Variants in WNK1 observed in about 807,000 individuals in gnomAD.
WNK1 encodes the protein serine/threonine-protein kinase WNK1.
Under a neutral mutation model 222.8 loss-of-function variants are expected in WNK1, and 38 were observed. The ratio of observed to expected loss-of-function variants is 0.17; its 90% CI spans 0.13 to 0.22. The LOEUF is 0.22. WNK1 is among the 10% of genes least tolerant of loss of function. WNK1 has a pLI of 1.00. For synonymous variants in WNK1, 1,090 were observed against 1,092.9 expected, an observed-to-expected ratio of 1.00 and a Z score of 0.05; for missense variants, 2,348 against 2,918.4, an observed-to-expected ratio of 0.80 and a Z score of 4.50.
rs1243714076 is a variant in WNK1 at position 885,459 on chromosome 12, C to T, written c.4655C>T (p.Ser1552Phe). The change falls in exon 19 of 28, where the codon TCT becomes TTT. Residue 1552 changes from serine (S) to phenylalanine (F), a missense_variant. Physicochemically the swap from Ser to Phe is radical, Grantham distance 155 (BLOSUM62 -2). This residue lies in a region of WNK1 where 1,144 missense variants were observed against 1,273.6 expected (regional missense o/e 0.90). Transcript: ENST00000315939. ...FSLSAPSSSSSPGAGVSSYIS... is the reference protein window; with the variant it reads ...FSLSAPSSSSFPGAGVSSYIS... ...CTCTCTGCACCATCTTCCTCTTCCT[C>T]TCCTGGAGCAGGAGTGTCTAGTTAT... 6.2e-7 allele frequency: 1 copy of T among 1,613,958 alleles called. No individual in the cohort carries two copies. The highest frequency in any genetic ancestry group is 1.1e-5 in the South Asian group (1 of 91,086).
intron 1 of WNK1, among the ~76,000 whole-genome samples, chr12:759,051 A>G (rs1940631050): frequency 6.8e-6 from 1 of 146,922 alleles, no homozygotes; most frequent in African/African-American, 2.4e-5. Flanking sequence ...AATAAAATTC[A>G]TCTTAGTTCA....
At chr12:814,264 G>A (rs993360063) in intron 2 of WNK1, among the ~76,000 whole-genome samples, 10 of 151,712 alleles carry the variant, frequency 6.6e-5, no homozygotes, top group Non-Finnish European at 1.5e-4. Context: ...AGGAGGCGGA[G>A]GTTGCAGTGA....
chr12:864,473 A>C (rs1951472051), intron 8 of WNK1, among the ~76,000 whole-genome samples: 2 of 152,200 alleles, frequency 1.3e-5, no homozygotes, highest in South Asian at 4.1e-4. Flanking sequence ...GTAAAAGTAC[A>C]AAATATTTCC....
chr12:830,261 G>A (rs934580740), intron 4 of WNK1, 101 bp downstream of exon 4: 2 of 1,355,240 alleles, frequency 1.5e-6, no homozygotes, highest in South Asian at 2.4e-5. Flanking sequence ...ATAGTGGAAG[G>A]CATACTGAGT....
At chr12:754,436 G>C in intron 1 of WNK1, 112 bp downstream of exon 1, 1 of 1,404,176 alleles carries the variant, frequency 7.1e-7, no homozygotes, top group Non-Finnish European at 1.0e-6. Flanking sequence ...ACTCCGAGTG[G>C]GACGGGGAGG....
In WNK1 at chr12:777,334, A is replaced by G. The variant is rs1434563276; in HGVS notation, c.759+23010A>G. 4.6e-5 allele frequency among the ~76,000 whole-genome samples: 7 copies of G among 151,342 alleles called. No individual in the cohort carries two copies. In the East Asian group the frequency reaches 7.8e-4, roughly 17 times the overall value. On this transcript the variant is annotated intron_variant, in intron 1 of 27. Transcript: ENST00000315939. ...GCCACCACGCCCAGCTAATTTTTGT[A>G]TTCTTAGTAGAGACAGGGTTTCACC...
intron 4 of WNK1, among the ~76,000 whole-genome samples, chr12:854,357 T>C (rs1239125217): frequency 7.5e-6 from 1 of 132,968 alleles, no homozygotes; most frequent in African/African-American, 2.8e-5. Context: ...ATCATTATCT[T>C]TTTTTTTTTG....
chr12:765,567 AT>A (rs1941588441), intron 1 of WNK1, among the ~76,000 whole-genome samples: 1 of 120,360 alleles, frequency 8.3e-6, no homozygotes. Context: ...TTTTTTTTTA[AT>A]CATTGCAGAA....
At chr12:901,246 C>G (rs1955228139) in intron 26 of WNK1, among the ~76,000 whole-genome samples, 1 of 152,198 alleles carries the variant, frequency 6.6e-6, no homozygotes, top group African/African-American at 2.4e-5. Context: ...AATATAGGTA[C>G]TGGCTTATGT....
At chr12:843,229 G>T (rs1424797725) in intron 4 of WNK1, among the ~76,000 whole-genome samples, 1 of 152,146 alleles carries the variant, frequency 6.6e-6, no homozygotes, top group Non-Finnish European at 1.5e-5. Flanking sequence ...GAGCGACCAC[G>T]CCTGGCCCAG....
chr12:836,178 TGA>T (rs1949164859), intron 4 of WNK1, among the ~76,000 whole-genome samples: 1 of 152,112 alleles, frequency 6.6e-6, no homozygotes, highest in Admixed American at 6.6e-5. Context: ...GATTCAAAAC[TGA>T]GGGGAAAAAT....
Position 894,633 on chromosome 12 carries a change from C to T in WNK1, c.5581C>T (p.Gln1861Ter). 1 of 1,613,840 alleles carries T rather than the reference C, an allele frequency of 6.2e-7. No homozygotes were observed. The highest frequency in any genetic ancestry group is 8.5e-7 in the Non-Finnish European group (1 of 1,179,776). The change falls in exon 23 of 28, where the codon CAG becomes TAG. Residue 1861 changes from glutamine to a stop codon, truncating the protein, a stop_gained and splice_region_variant. Coordinates refer to ENST00000315939, the MANE Select transcript of WNK1 (RefSeq NM_018979.4). LOFTEE classifies it high-confidence loss of function. Reference sequence around the variant, plus strand: ...TGGTGTTTTTAAGATGGGACGATTTCAGGTAAGACAGTCACTTTGTGTTGC... The same window carrying T: ...TGGTGTTTTTAAGATGGGACGATTTTAGGTAAGACAGTCACTTTGTGTTGC... Reference protein sequence around the residue: ...GAGVFKMGRFQVSVAADGAQK... With the variant: ...GAGVFKMGRF
intron 1 of WNK1, among the ~76,000 whole-genome samples, chr12:786,530 C>T (rs1944324993): frequency 6.7e-6 from 1 of 149,282 alleles, no homozygotes; most frequent in Non-Finnish European, 1.5e-5. Context: ...TGCAGTGGCA[C>T]AATCTTGGCT....
intron 9 of WNK1, 92 bp downstream of exon 9, chr12:871,440 G>A: frequency 7.7e-7 from 1 of 1,298,680 alleles, no homozygotes; most frequent in Non-Finnish European, 1.1e-6. Context: ...GGCCTGCTAA[G>A]TTTTTGAAAG....
chr12:904,552 T>C, intron 26 of WNK1: 1 of 1,185,264 alleles, frequency 8.4e-7, no homozygotes, highest in South Asian at 1.3e-5. Context: ...AACCATGAGT[T>C]CTTTCAACTC....
intron 1 of WNK1, among the ~76,000 whole-genome samples, chr12:760,267 A>G (rs1940830951): frequency 1.4e-5 from 2 of 147,798 alleles, no homozygotes; most frequent in Non-Finnish European, 3.0e-5. Flanking sequence ...GTATTTATTT[A>G]TCATATTGAA....
chr12:810,273 C>A (rs1440627395), intron 1 of WNK1, among the ~76,000 whole-genome samples: 1 of 151,974 alleles, frequency 6.6e-6, no homozygotes. Flanking sequence ...AAATAGATGC[C>A]CATGTCTTGC....
intron 1 of WNK1, among the ~76,000 whole-genome samples, chr12:787,236 T>A (rs1287749546): frequency 1.3e-5 from 2 of 152,114 alleles, no homozygotes; most frequent in Admixed American, 1.3e-4. Flanking sequence ...CAGCTTCTGT[T>A]TACACCTTGG....
At chr12:758,187 A>G (rs545153374) in intron 1 of WNK1, among the ~76,000 whole-genome samples, 6 of 146,590 alleles carry the variant, frequency 4.1e-5, no homozygotes, top group African/African-American at 1.5e-4. Context: ...CTACCTGAAA[A>G]GAGAGGTTAA....
Sources: allele counts gnomAD v4.1 joint callset (sites outside exome capture counted in the v4.1 genomes callset), GRCh38; gene constraint gnomAD v4.1.1; regional missense constraint gnomAD v4.1.1; transcripts MANE v1.5; gene names NCBI Gene and HGNC (gene_info 2026-07-23, HGNC 2026-07-21).